Variants in RAI14 observed in about 807,000 individuals in gnomAD.
The protein encoded by RAI14 is ankycorbin.
Under a neutral mutation model 115.4 loss-of-function variants are expected in RAI14, and 45 were observed. The observed-to-expected ratio is 0.39, with a 90% CI of 0.31 to 0.50. The LOEUF is 0.50. RAI14 is among the 20% of genes least tolerant of loss of function. The probability of loss-of-function intolerance (pLI) is 0.85; values close to 1 mark genes in which losing one functional copy is unlikely to be tolerated. For missense variants in RAI14, 939 were observed against 1,131.2 expected, an observed-to-expected ratio of 0.83 and a Z score of 2.44; for synonymous variants, 371 against 415.4, an observed-to-expected ratio of 0.89 and a Z score of 1.30.
At chr5:34,668,393 CA>C (rs34952152) in intron 1 of RAI14, among the ~76,000 whole-genome samples, 50,561 of 121,152 alleles carry the variant, frequency 0.42, 8,562 homozygotes, top group East Asian at 0.56. Context: ...GACTCTGTCT[CA>C]AAAAAAAAAA....
chr5:34,661,438 A>AT (rs1163373265), intron 1 of RAI14, among the ~76,000 whole-genome samples: 3 of 151,916 alleles, frequency 2.0e-5, no homozygotes, highest in Middle Eastern at 6.3e-3. Context: ...TTTTGTTGTT[A>AT]TTTTTTCTCT....
intron 1 of RAI14, among the ~76,000 whole-genome samples, chr5:34,672,553 T>A (rs1415029768): frequency 6.6e-6 from 1 of 152,184 alleles, no homozygotes. Context: ...GGCAGGAGGA[T>A]CTAGCTGCCT....
chr5:34,810,652 G>A (rs1163766016), intron 7 of RAI14, among the ~76,000 whole-genome samples: 2 of 152,048 alleles, frequency 1.3e-5, no homozygotes, highest in African/African-American at 2.4e-5. Flanking sequence ...GCGGAGACAC[G>A]CCCTTCCTTT....
At chr5:34,744,588 T>C (rs745515357) in intron 2 of RAI14, among the ~76,000 whole-genome samples, 6 of 152,156 alleles carry the variant, frequency 3.9e-5, no homozygotes, top group Non-Finnish European at 8.8e-5. Context: ...GGCAGGAAAG[T>C]GCAGTGATAA....
At chr5:34,751,739 C>CT (rs1646173387) in intron 2 of RAI14, among the ~76,000 whole-genome samples, 4 of 152,256 alleles carry the variant, frequency 2.6e-5, no homozygotes, top group Non-Finnish European at 4.4e-5. Flanking sequence ...CGTTGACATT[C>CT]TAATGCATGT....
rs1184693627 is a variant in RAI14, at chr5:34,807,813, C to G, written c.335C>G (p.Ala112Gly). The change falls in exon 6 of 18, where the codon GCC becomes GGC. Residue 112 changes from alanine (A) to glycine (G), a missense_variant. Transcript: ENST00000265109. ...TTTGTCTTATAGTCTAAATGCCCAG[C>G]CGAAAGTGTCGACAGCTCTGGGAAA... is the stretch of plus-strand genomic sequence containing the variant. ...IRKLLQSKCP[A>G]ESVDSSGKTA... 6.2e-7 allele frequency: 1 copy of G among 1,610,046 alleles called. No homozygotes were observed. The highest frequency in any genetic ancestry group is 8.5e-7 in the Non-Finnish European group (1 of 1,176,266).
At chr5:34,770,180 C>T (rs1363145149) in intron 3 of RAI14, among the ~76,000 whole-genome samples, 2 of 152,164 alleles carry the variant, frequency 1.3e-5, no homozygotes, top group African/African-American at 4.8e-5. Context: ...CCCGGTGATG[C>T]GGATGCTGCT....
At chr5:34,681,729 TCTCAAGCAGTCTTTCCACCTCAGC>T (rs1258730171) in intron 1 of RAI14, among the ~76,000 whole-genome samples, 2 of 151,710 alleles carry the variant, frequency 1.3e-5, no homozygotes, top group Admixed American at 1.3e-4. Flanking sequence ...GAATGCTTGG[TCTCAAGCAGTCTTTCCACCTCAGC>T]CTCCCAAAAT....
Position 34,823,990 on chromosome 5 carries a change from C to G in RAI14, c.2148C>G (p.Leu716=). The G allele has an allele frequency of 6.2e-7, 1 of 1,613,930 alleles. No individual in the cohort carries two copies. Among genetic ancestry groups the G allele is most frequent in the South Asian group, 1.1e-5 (1 of 90,998 alleles). Residue 716 remains leucine (L), a synonymous_variant, in exon 15 of 18, where the codon CTC becomes CTG. Transcript: ENST00000265109. The surrounding 1 kb of genome is among the most constrained non-coding windows in gnomAD (Gnocchi z 4.5). ...YSKVLNELTQ[L]KQLVDAQKEN... ...AAGTGTTGAATGAGTTGACCCAGCT[C>G]AAACAACTGGTGGATGCACAAAAAG...
At chr5:34,689,728 C>T (rs56224429) in intron 2 of RAI14, among the ~76,000 whole-genome samples, 68,083 of 151,670 alleles carry the variant, frequency 0.45, 17,489 homozygotes, top group South Asian at 0.64. Context: ...CAAAATTAGC[C>T]GGGTGTGGTG....
At chr5:34,799,685 A>ATTTTTTTTTTTTTTT (rs57115550) in intron 4 of RAI14, among the ~76,000 whole-genome samples, 31 of 103,398 alleles carry the variant, frequency 3.0e-4, no homozygotes, top group African/African-American at 1.1e-3. Flanking sequence ...ATCTGTTAGC[A>ATTTTTTTTTTTTTTT]TTTTTTTTTT....
At chr5:34,822,415 TA>T (rs1448447033) in intron 14 of RAI14, among the ~76,000 whole-genome samples, 1 of 151,024 alleles carries the variant, frequency 6.6e-6, no homozygotes, top group East Asian at 1.9e-4. Flanking sequence ...ATATAAGAAA[TA>T]AAGGAAATTT....
chr5:34,823,144 G>T lies in RAI14; in HGVS notation c.1302G>T (p.Leu434=). 1 of 1,613,060 alleles carries T rather than the reference G, an allele frequency of 6.2e-7. No homozygotes were observed. The highest frequency in any genetic ancestry group is 8.5e-7 in the Non-Finnish European group (1 of 1,179,068). The part of the protein sequence containing the change: ...TTDNDVRIQQ[L]QEILQDLQKR... ...ACAATGATGTCAGAATTCAGCAACT[G>T]CAAGAGATTTTGCAAGATCTACAGA... The change falls in exon 15 of 18, where the codon CTG becomes CTT. Residue 434 remains leucine, a synonymous_variant. Transcript: ENST00000265109. This position sits in a 1 kb window ranked among gnomAD's most constrained non-coding sequence, Gnocchi z 4.5.
rs1752879260 is a variant in RAI14, at chr5:34,791,182, TG to T, written c.168-4753del. ...TGTGTTGGTGCCCATATGTATTGTT[TG>T]GGGTTTGGTTATTCTCTCAAAACCA... On this transcript the variant is annotated intron_variant, in intron 3 of 17. Coordinates refer to ENST00000265109, the MANE Select transcript of RAI14 (RefSeq NM_015577.3). This position sits in a 1 kb window ranked among gnomAD's most constrained non-coding sequence, Gnocchi z 5.4. Among the ~76,000 whole-genome samples the T allele has an allele frequency of 6.6e-6, 1 of 152,212 alleles. No homozygotes were observed. Among genetic ancestry groups the T allele is most frequent in the South Asian group, 2.1e-4 (1 of 4,826 alleles).
Position 34,791,843 on chromosome 5 carries a change from T to G in RAI14, c.168-4096T>G, listed in dbSNP as rs578066074. 6.6e-6 allele frequency among the ~76,000 whole-genome samples: 1 copy of G among 152,326 alleles called. No homozygotes were observed. Among genetic ancestry groups the G allele is most frequent in the East Asian group, 1.9e-4 (1 of 5,186 alleles). On this transcript the variant is annotated intron_variant, in intron 3 of 17. Coordinates refer to ENST00000265109, the MANE Select transcript of RAI14 (RefSeq NM_015577.3). The surrounding 1 kb of genome is among the most constrained non-coding windows in gnomAD (Gnocchi z 5.4). Reference sequence around the variant, plus strand: ...GAGCCGGCCTGCAAAGCTGTGGCCTTCACAGAGGAAGACAGCCACTGCCGA... The same window carrying G: ...GAGCCGGCCTGCAAAGCTGTGGCCTGCACAGAGGAAGACAGCCACTGCCGA...
intron 3 of RAI14, among the ~76,000 whole-genome samples, chr5:34,760,885 A>G (rs547246892): frequency 6.6e-6 from 1 of 152,312 alleles, no homozygotes; most frequent in Non-Finnish European, 1.5e-5. Context: ...CCCATTAGGG[A>G]GAAACTCCCC....
intron 2 of RAI14, among the ~76,000 whole-genome samples, chr5:34,712,430 A>G (rs964778477): frequency 1.3e-5 from 2 of 152,166 alleles, no homozygotes; most frequent in African/African-American, 4.8e-5. Context: ...CCTGGTGACA[A>G]TGAAAGGGAG....
At chr5:34,690,772 ATGGTGGATAACCT>A (rs1163360551) in intron 2 of RAI14, among the ~76,000 whole-genome samples, 1 of 152,094 alleles carries the variant, frequency 6.6e-6, no homozygotes, top group Non-Finnish European at 1.5e-5. Flanking sequence ...TGGAATTTCT[ATGGTGGATAACCT>A]TTTTTACTTC....
intron 1 of RAI14, among the ~76,000 whole-genome samples, chr5:34,675,541 C>A (rs1343496817): frequency 2.6e-5 from 4 of 152,152 alleles, no homozygotes; most frequent in Non-Finnish European, 5.9e-5. Flanking sequence ...ACGTTTGAGG[C>A]CAGCAGTGCA....
Sources: allele counts gnomAD v4.1 joint callset (sites outside exome capture counted in the v4.1 genomes callset), GRCh38; gene constraint gnomAD v4.1.1; non-coding constraint Gnocchi (gnomAD v3.1); transcripts MANE v1.5; gene names NCBI Gene and HGNC (gene_info 2026-07-23, HGNC 2026-07-21).